The following CREBBP variants were observed in gnomAD, a reference collection of about 807,000 sequenced individuals.
CREBBP encodes the protein CREB binding lysine acetyltransferase.
Under a neutral mutation model 265.0 loss-of-function variants are expected in CREBBP, and 19 were observed. The observed-to-expected ratio is 0.07, with a 90% CI of 0.05 to 0.11. The LOEUF is 0.11. Ranked by LOEUF, CREBBP falls within the 10% of genes least tolerant of loss-of-function variation. The probability of loss-of-function intolerance (pLI) is 1.00; values close to 1 mark genes in which losing one functional copy is unlikely to be tolerated. For missense variants in CREBBP, 2,525 were observed against 3,219.0 expected, an observed-to-expected ratio of 0.78 and a Z score of 5.22; for synonymous variants, 1,457 against 1,223.7, an observed-to-expected ratio of 1.19 and a Z score of -3.98.
chr16:3,788,675 G>T (rs1044153046), intron 5 of CREBBP, among the ~76,000 whole-genome samples: 2 of 152,242 alleles, frequency 1.3e-5, no homozygotes, highest in African/African-American at 4.8e-5. Flanking sequence ...ATGAGGCCAG[G>T]CGCGGTGGCT....
intron 23 of CREBBP, chr16:3,743,124 T>C (rs1202514561): frequency 1.3e-5 from 2 of 152,194 alleles, no homozygotes; most frequent in Non-Finnish European, 2.9e-5. Flanking sequence ...CCAGGGGACA[T>C]CTGGCAATGT....
chr16:3,794,729 G>C (rs569315975), intron 3 of CREBBP, among the ~76,000 whole-genome samples: 12 of 152,282 alleles, frequency 7.9e-5, no homozygotes, highest in Non-Finnish European at 7.3e-5. Context: ...ATGGAAAAGG[G>C]GACCCATAGA....
intron 1 of CREBBP, among the ~76,000 whole-genome samples, chr16:3,870,975 G>T (rs767393924): frequency 1.3e-5 from 2 of 149,794 alleles, no homozygotes; most frequent in Non-Finnish European, 3.0e-5. Flanking sequence ...GGGCAAGCAA[G>T]ACCCCATTGG....
intron 5 of CREBBP, among the ~76,000 whole-genome samples, chr16:3,790,549 T>A (rs1446157605): frequency 6.6e-6 from 1 of 151,960 alleles, no homozygotes; most frequent in African/African-American, 2.4e-5. Context: ...TAATTTTGTG[T>A]TTTTAGTAGA....
rs1213760708 is a variant in CREBBP, at chr16:3,726,367, G to A, written c.*1351C>T. On this transcript the variant is annotated 3_prime_UTR_variant, in exon 31 of 31. Coordinates refer to ENST00000262367, the MANE Select transcript of CREBBP (RefSeq NM_004380.3). Reference sequence around the variant, plus strand: ...CCAACTGACGACCCTAACTGTGTGAGCGACAATCACCTGTGAGCCTCGAAT... The same window carrying A: ...CCAACTGACGACCCTAACTGTGTGAACGACAATCACCTGTGAGCCTCGAAT... 1 of 233,190 alleles carries A rather than the reference G, an allele frequency of 4.3e-6. No homozygotes were observed. Among genetic ancestry groups the A allele is most frequent in the Non-Finnish European group, 8.5e-6 (1 of 118,086 alleles). 14.4% of individuals were successfully genotyped at this position (233,190 alleles called of 1,614,324 possible).
At chr16:3,761,819 C>T (rs2052725880) in intron 16 of CREBBP, among the ~76,000 whole-genome samples, 3 of 152,176 alleles carry the variant, frequency 2.0e-5, no homozygotes, top group African/African-American at 7.2e-5. Flanking sequence ...TATGCACAGA[C>T]GAAGCAGCAT....
At chr16:3,771,561 T>A (rs1353520907) in intron 13 of CREBBP, among the ~76,000 whole-genome samples, 1 of 151,982 alleles carries the variant, frequency 6.6e-6, no homozygotes, top group Admixed American at 6.6e-5. Flanking sequence ...TCCCCTCATA[T>A]CCACTCGGAT....
At chr16:3,745,195 G>T in intron 22 of CREBBP, 82 bp downstream of exon 22, 1 of 1,251,300 alleles carries the variant, frequency 8.0e-7, no homozygotes, top group Non-Finnish European at 1.2e-6. Flanking sequence ...TGACAACAAT[G>T]AATGAGATGC....
chr16:3,825,916 A>G (rs1026580457), intron 2 of CREBBP, among the ~76,000 whole-genome samples: 10 of 152,242 alleles, frequency 6.6e-5, no homozygotes, highest in South Asian at 4.1e-4. Context: ...GAATTTTAAT[A>G]CTGTTCTTAA....
intron 1 of CREBBP, among the ~76,000 whole-genome samples, chr16:3,871,514 C>T (rs1597087497): frequency 6.6e-6 from 1 of 152,186 alleles, no homozygotes; most frequent in Admixed American, 6.5e-5. Context: ...CCCTAATTAC[C>T]TGATAAATTT....
At chr16:3,817,292 A>G (rs2054057085) in intron 2 of CREBBP, among the ~76,000 whole-genome samples, 1 of 152,190 alleles carries the variant, frequency 6.6e-6, no homozygotes, top group Non-Finnish European at 1.5e-5. Context: ...CTGACCCATC[A>G]GCCTCCATGG....
At position 3,857,827 on chromosome 16, in the gene CREBBP, G is replaced by T. The variant is rs933974720; in HGVS notation, c.86-6818C>A. Among the ~76,000 whole-genome samples, 3 of 152,342 alleles carry T rather than the reference G, an allele frequency of 2.0e-5. No individual in the cohort carries two copies. The East Asian group carries it at 5.8e-4, about 29-fold the overall frequency. On this transcript the variant is annotated intron_variant, in intron 1 of 30. Coordinates refer to ENST00000262367, the MANE Select transcript of CREBBP (RefSeq NM_004380.3). ...TTTGCAGCTTCCTGGCTGCCAACCA[G>T]GAGGCTACCCCTTTCATTAAGCTGA...
intron 3 of CREBBP, among the ~76,000 whole-genome samples, chr16:3,805,099 C>T (rs970894210): frequency 2.0e-5 from 3 of 152,178 alleles, no homozygotes; most frequent in African/African-American, 2.4e-5. Flanking sequence ...CCAAAACCAA[C>T]GGGGATAAGT....
Position 3,781,318 on chromosome 16 carries a change from G to A in CREBBP, c.1574-12C>T, listed in dbSNP as rs185243405. On this transcript the variant is annotated splice_polypyrimidine_tract_variant and intron_variant, in intron 6 of 30. Transcript: ENST00000262367. ...CATTGGATTATTTCCTTTAAAGACA[G>A]AAAAGAAATCAATCAACAGTTAAAT... 258 of 1,605,364 alleles carry A rather than the reference G, an allele frequency of 1.6e-4. 1 individual carries two copies. In the African/African-American group the frequency reaches 3.1e-3, roughly 19 times the overall value.
rs958660347 is a variant in CREBBP, at chr16:3,726,723, T to A, written c.*995A>T. On this transcript the variant is annotated 3_prime_UTR_variant, in exon 31 of 31. Transcript: ENST00000262367. ...CAATGGGGAAAAAACACATGCATAG[T>A]CCAAATACAATGTTGAAAACAGCAT... 10 of 233,478 alleles carry A rather than the reference T, an allele frequency of 4.3e-5. No homozygotes were observed. Among genetic ancestry groups the A allele is most frequent in the Non-Finnish European group, 7.6e-5 (9 of 118,042 alleles). 14.5% of individuals were successfully genotyped at this position (233,478 alleles called of 1,614,324 possible). A position where few individuals can be genotyped will look rare whatever the true frequency, so the allele number is the denominator to read the frequency against.
chr16:3,874,298 T>C (rs2055356692), intron 1 of CREBBP, among the ~76,000 whole-genome samples: 1 of 152,186 alleles, frequency 6.6e-6, no homozygotes, highest in South Asian at 2.1e-4. Context: ...ACCTGGGCTC[T>C]CCCGGGCTCC....
intron 19 of CREBBP, among the ~76,000 whole-genome samples, chr16:3,755,025 T>C (rs1185269130): frequency 6.6e-6 from 1 of 152,232 alleles, no homozygotes; most frequent in Non-Finnish European, 1.5e-5. Flanking sequence ...CCTGTGATCG[T>C]CTGAGGAACG....
rs758109264 is a variant in CREBBP, at chr16:3,731,756, G to A, written c.4890+20C>T. 4 of 1,614,124 alleles carry A rather than the reference G, an allele frequency of 2.5e-6. No homozygotes were observed. In the East Asian group the frequency reaches 8.9e-5, roughly 36 times the overall value. ...CCTCCCGGCCAGAGGCACGGCTGCA[G>A]CACCGCAGCCCACGCCTACCTCCTT... On this transcript the variant is annotated intron_variant, in intron 29 of 30. Transcript: ENST00000262367. The surrounding 1 kb of genome is among the most constrained non-coding windows in gnomAD (Gnocchi z 7.7).
chr16:3,745,735 TA>T, intron 21 of CREBBP: 1 of 355,152 alleles, frequency 2.8e-6, no homozygotes, highest in Non-Finnish European at 5.4e-6. Flanking sequence ...AAAACTGACT[TA>T]AAAAATAGAG....
Sources: gnomAD v4.1 joint callset for allele counts (sites outside exome capture counted in the v4.1 genomes callset) on GRCh38, gnomAD v4.1.1 for gene constraint, Gnocchi (gnomAD v3.1) non-coding constraint, MANE v1.5 for transcripts, NCBI Gene and HGNC (gene_info 2026-07-23, HGNC 2026-07-21) for gene names.